Variants in ADAMTS3 observed in about 807,000 individuals in gnomAD.
ADAMTS3 encodes the protein ADAM metallopeptidase with thrombospondin type 1 motif 3.
ADAMTS3 carries 73 observed loss-of-function variants against 129.0 expected under a neutral mutation model. The observed-to-expected ratio is 0.57, with a 90% confidence interval of 0.47 to 0.69. ADAMTS3 has a LOEUF of 0.69. Among genes scored for constraint, ADAMTS3 ranks in the 30% least tolerant of loss-of-function variants. ADAMTS3 has a pLI of 0.00. For synonymous variants in ADAMTS3, 477 were observed against 510.8 expected (o/e 0.93, Z 0.89); for missense variants, 1,457 against 1,514.5 (o/e 0.96, Z 0.63).
At chr4:72,289,250 T>A (rs531814786) in intron 20 of ADAMTS3, among the ~76,000 whole-genome samples, 1 of 152,292 alleles carries the variant, frequency 6.6e-6, no homozygotes, top group Non-Finnish European at 1.5e-5. Flanking sequence ...GAAGCCATGA[T>A]TAATAACAAT....
chr4:72,452,374 T>C (rs1404156701), intron 3 of ADAMTS3, among the ~76,000 whole-genome samples: 1 of 151,602 alleles, frequency 6.6e-6, no homozygotes, highest in Non-Finnish European at 1.5e-5. Context: ...TTTAGGGTAT[T>C]GCTTTCATAA....
intron 3 of ADAMTS3, among the ~76,000 whole-genome samples, chr4:72,426,114 TG>T (rs1346774944): frequency 2.6e-5 from 4 of 152,236 alleles, no homozygotes; most frequent in Non-Finnish European, 4.4e-5. Context: ...ATGTCTCTGT[TG>T]GCTGCATAAA....
At chr4:72,312,825 G>A (rs1719279269) in intron 12 of ADAMTS3, among the ~76,000 whole-genome samples, 1 of 152,102 alleles carries the variant, frequency 6.6e-6, no homozygotes, top group South Asian at 2.1e-4. Context: ...TCGCTCCATG[G>A]CTCGGTTCCC....
intron 4 of ADAMTS3, among the ~76,000 whole-genome samples, chr4:72,347,280 CTT>C (rs78118915): frequency 5.0e-5 from 7 of 140,080 alleles, no homozygotes; most frequent in Non-Finnish European, 6.2e-5. Flanking sequence ...TATTTTACTG[CTT>C]TTTTTTTTTT....
At position 72,455,151 on chromosome 4, in the gene ADAMTS3, T is replaced by A. The variant is rs538812299; in HGVS notation, c.505-40180A>T. Among the ~76,000 whole-genome samples the A allele has an allele frequency of 9.2e-4, 140 of 151,738 alleles. 3 individuals carry two copies. Among genetic ancestry groups the A allele is most frequent in the Non-Finnish European group, 1.2e-3 (84 of 67,772 alleles). On this transcript the variant is annotated intron_variant, in intron 3 of 21. Coordinates refer to ENST00000286657, the MANE Select transcript of ADAMTS3 (RefSeq NM_014243.3). ...AAGAAAAACTGAGTTAACTTTTTAT[T>A]CTCTCTACAAAAATGATATTTCAAA... is the stretch of plus-strand genomic sequence containing the variant.
intron 4 of ADAMTS3, among the ~76,000 whole-genome samples, chr4:72,373,173 C>A (rs771516041): frequency 1.3e-4 from 20 of 152,076 alleles, no homozygotes; most frequent in Non-Finnish European, 1.2e-4. Context: ...CAGGTTTGAA[C>A]AACTTACACC....
At chr4:72,497,724 T>C (rs907431017) in intron 3 of ADAMTS3, among the ~76,000 whole-genome samples, 15 of 138,080 alleles carry the variant, frequency 1.1e-4, no homozygotes, top group Admixed American at 3.9e-4. Context: ...TCAACTTTTC[T>C]TGTTATAGAT....
chr4:72,460,576 A>C (rs1053131659), intron 3 of ADAMTS3, among the ~76,000 whole-genome samples: 1 of 151,446 alleles, frequency 6.6e-6, no homozygotes, highest in Non-Finnish European at 1.5e-5. Context: ...ATATTAATAA[A>C]AGTCATAAAT....
chr4:72,508,350 CAATAACCTAAAAAATTGA>C (rs1171903813), intron 3 of ADAMTS3, among the ~76,000 whole-genome samples: 1 of 152,022 alleles, frequency 6.6e-6, no homozygotes, highest in Non-Finnish European at 1.5e-5. Context: ...AATCTCCCAC[CAATAACCTAAAAAATTGA>C]GAGTTATTTT....
At chr4:72,507,547 A>G (rs936781820) in intron 3 of ADAMTS3, among the ~76,000 whole-genome samples, 1 of 152,154 alleles carries the variant, frequency 6.6e-6, no homozygotes, top group African/African-American at 2.4e-5. Context: ...ATTACCTAAT[A>G]TGTTTCTAGT....
chr4:72,450,193 G>C (rs1255575219), intron 3 of ADAMTS3, among the ~76,000 whole-genome samples: 1 of 151,654 alleles, frequency 6.6e-6, no homozygotes, highest in African/African-American at 2.4e-5. Flanking sequence ...ACACTGTTTA[G>C]TTTGAAAAAG....
chr4:72,407,270 TA>T (rs893722101), intron 4 of ADAMTS3, among the ~76,000 whole-genome samples: 2 of 151,744 alleles, frequency 1.3e-5, no homozygotes, highest in African/African-American at 4.8e-5. Context: ...ATGATGAAAT[TA>T]AAAAAAATGG....
At chr4:72,313,590 A>C in intron 12 of ADAMTS3, 87 bp downstream of exon 12, 1 of 1,392,134 alleles carries the variant, frequency 7.2e-7, no homozygotes. Flanking sequence ...TTTTACATGC[A>C]CTTTATAAAA....
intron 2 of ADAMTS3, among the ~76,000 whole-genome samples, chr4:72,560,780 CCAT>C (rs902412584): frequency 1.2e-4 from 19 of 152,190 alleles, no homozygotes; most frequent in Admixed American, 9.8e-4. Flanking sequence ...CAGCAAACCA[CCAT>C]GACACACGTT....
intron 4 of ADAMTS3, among the ~76,000 whole-genome samples, chr4:72,408,650 C>T (rs1462088085): frequency 2.0e-5 from 3 of 150,362 alleles, no homozygotes; most frequent in Admixed American, 1.3e-4. Context: ...GGATTCCTAA[C>T]ACAAATGCTT....
intron 3 of ADAMTS3, among the ~76,000 whole-genome samples, chr4:72,471,968 C>A (rs1425565424): frequency 6.6e-6 from 1 of 151,964 alleles, no homozygotes; most frequent in Non-Finnish European, 1.5e-5. Flanking sequence ...CTGAAGAAAG[C>A]TATCAGTAGA....
intron 18 of ADAMTS3, among the ~76,000 whole-genome samples, chr4:72,296,299 C>T (rs746312869): frequency 1.4e-4 from 22 of 151,872 alleles, no homozygotes; most frequent in South Asian, 1.2e-3. Flanking sequence ...TGAAAAACTG[C>T]GGTTTCTTCA....
intron 3 of ADAMTS3, among the ~76,000 whole-genome samples, chr4:72,481,661 C>T (rs1427143016): frequency 6.6e-6 from 1 of 151,876 alleles, no homozygotes; most frequent in East Asian, 1.9e-4. Context: ...ATGACATGAA[C>T]CATAAAAACT....
At chr4:72,518,386 T>C (rs891095300) in intron 3 of ADAMTS3, among the ~76,000 whole-genome samples, 15 of 152,174 alleles carry the variant, frequency 9.9e-5, no homozygotes, top group African/African-American at 3.4e-4. Context: ...AATTCCTGGG[T>C]ATCCTTCTTA....
Sources: allele counts gnomAD v4.1 joint callset (sites outside exome capture counted in the v4.1 genomes callset), GRCh38; gene constraint gnomAD v4.1.1; transcripts MANE v1.5; gene names NCBI Gene and HGNC (gene_info 2026-07-23, HGNC 2026-07-21).